BRINP3: variants seen among roughly 807,000 people sequenced by gnomAD.
The protein encoded by BRINP3 is BMP/retinoic acid inducible neural specific 3.
In BRINP3, 19 loss-of-function variants were observed where a neutral mutation model predicts 71.0. The ratio of observed to expected loss-of-function variants is 0.27; its 90% CI spans 0.19 to 0.39. BRINP3 has a LOEUF of 0.39. BRINP3 is among the 10% of genes least tolerant of loss of function. The probability of loss-of-function intolerance (pLI) is 1.00; values close to 1 mark genes in which losing one functional copy is unlikely to be tolerated. For missense variants in BRINP3, 959 were observed against 940.8 expected (o/e 1.02, Z -0.25); for synonymous variants, 380 against 337.7 (o/e 1.13, Z -1.37).
Position 190,390,454 on chromosome 1 carries a change from C to T in BRINP3, c.236+64201G>A, listed in dbSNP as rs367815143. On this transcript the variant is annotated intron_variant, in intron 2 of 7. Coordinates refer to ENST00000367462, the MANE Select transcript of BRINP3 (RefSeq NM_199051.3). ...TGGAGAAGTCAACACAATGAGAGGT[C>T]GGGGTATTAGAAGAATCTTCCCTAT... Among the ~76,000 whole-genome samples the T allele has an allele frequency of 6.3e-4, 96 of 151,730 alleles. 1 individual carries two copies. The highest frequency in any genetic ancestry group is 2.1e-3 in the African/African-American group (85 of 41,436).
chr1:190,155,892 GTCAA>G, intron 7 of BRINP3, among the ~76,000 whole-genome samples: 1 of 152,190 alleles, frequency 6.6e-6, no homozygotes, highest in Non-Finnish European at 1.5e-5. Flanking sequence ...AGAACTGTGA[GTCAA>G]TTAAGCCTCT....
chr1:190,356,045 G>T (rs1023679867), intron 2 of BRINP3, among the ~76,000 whole-genome samples: 1 of 151,880 alleles, frequency 6.6e-6, no homozygotes, highest in Non-Finnish European at 1.5e-5. Context: ...TGTTCAATAG[G>T]TGTCAGTCAC....
intron 2 of BRINP3, among the ~76,000 whole-genome samples, chr1:190,430,123 G>A (rs1015361218): frequency 5.9e-5 from 9 of 152,080 alleles, no homozygotes; most frequent in Admixed American, 5.9e-4. Context: ...GAAGACGTCA[G>A]CATTAATCAC....
chr1:190,445,689 T>TA (rs1316980733), intron 2 of BRINP3, among the ~76,000 whole-genome samples: 4 of 151,826 alleles, frequency 2.6e-5, no homozygotes, highest in East Asian at 1.9e-4. Flanking sequence ...TGGTGCCCAT[T>TA]AAAAAAATAC....
At chr1:190,239,307 T>C (rs1054745783) in intron 4 of BRINP3, among the ~76,000 whole-genome samples, 1 of 152,172 alleles carries the variant, frequency 6.6e-6, no homozygotes, top group Non-Finnish European at 1.5e-5. Flanking sequence ...TAAATTTTTA[T>C]GTATTCTGTC....
chr1:190,208,994 T>C (rs1655755359), intron 6 of BRINP3, among the ~76,000 whole-genome samples: 1 of 152,112 alleles, frequency 6.6e-6, no homozygotes, highest in Non-Finnish European at 1.5e-5. Context: ...ACTTGATCCA[T>C]TATAAGTGGT....
At chr1:190,364,067 A>G (rs911249329) in intron 2 of BRINP3, among the ~76,000 whole-genome samples, 97 of 152,312 alleles carry the variant, frequency 6.4e-4, no homozygotes, top group Admixed American at 1.6e-3. Flanking sequence ...TCTTAGAAAA[A>G]AAAAAGTAGT....
In BRINP3 at chr1:190,433,742, C is replaced by A. The variant is rs1350326413; in HGVS notation, c.236+20913G>T. Among the ~76,000 whole-genome samples, 3 of 152,124 alleles carry A rather than the reference C, an allele frequency of 2.0e-5. No homozygotes were observed. The East Asian group carries it at 5.8e-4, about 29-fold the overall frequency. ...CTGCAATTTTCTGAAAAGTAGAAAT[C>A]AATCTTGTAATTGCTCCTTCATATA... On this transcript the variant is annotated intron_variant, in intron 2 of 7. Transcript: ENST00000367462.
chr1:190,283,472 C>T (rs1663192323), intron 2 of BRINP3, among the ~76,000 whole-genome samples: 1 of 151,620 alleles, frequency 6.6e-6, no homozygotes, highest in African/African-American at 2.4e-5. Context: ...AAATATAGGG[C>T]TTTTATAGGC....
At chr1:190,193,711 A>T (rs1654242950) in intron 6 of BRINP3, among the ~76,000 whole-genome samples, 1 of 152,122 alleles carries the variant, frequency 6.6e-6, no homozygotes, top group African/African-American at 2.4e-5. Context: ...CCTTTACTTT[A>T]GAAAACTTTC....
At chr1:190,255,892 C>G (rs1474587580) in intron 4 of BRINP3, among the ~76,000 whole-genome samples, 1 of 152,108 alleles carries the variant, frequency 6.6e-6, no homozygotes, top group Non-Finnish European at 1.5e-5. Flanking sequence ...CCTGCTTTCT[C>G]TTGTGAGTAT....
chr1:190,320,439 G>A (rs567232970), intron 2 of BRINP3, among the ~76,000 whole-genome samples: 47 of 152,008 alleles, frequency 3.1e-4, no homozygotes, highest in African/African-American at 1.1e-3. Context: ...GATCCCACTG[G>A]GCACTTTTAT....
intron 2 of BRINP3, among the ~76,000 whole-genome samples, chr1:190,299,778 TGTAAA>T (rs1355555717): frequency 3.9e-5 from 6 of 152,096 alleles, no homozygotes; most frequent in Admixed American, 1.3e-4. Flanking sequence ...TTTGCTTGTC[TGTAAA>T]GTATTTTATT....
At chr1:190,168,612 C>A (rs1291276494) in intron 6 of BRINP3, among the ~76,000 whole-genome samples, 1 of 152,066 alleles carries the variant, frequency 6.6e-6, no homozygotes, top group Non-Finnish European at 1.5e-5. Context: ...TCAATTAAGA[C>A]AAAAATACAA....
At chr1:190,311,766 TAGAG>T (rs1384078575) in intron 2 of BRINP3, among the ~76,000 whole-genome samples, 8 of 150,392 alleles carry the variant, frequency 5.3e-5, no homozygotes, top group Non-Finnish European at 1.2e-4. Context: ...ACACTAAAGA[TAGAG>T]AAGAAGAAAG....
chr1:190,303,131 G>A (rs749894270), intron 2 of BRINP3, among the ~76,000 whole-genome samples: 6 of 151,622 alleles, frequency 4.0e-5, no homozygotes, highest in Middle Eastern at 6.9e-3. Flanking sequence ...TCTGAATATA[G>A]AGCAGATGGA....
chr1:190,318,767 T>C (rs1262014843), intron 2 of BRINP3, among the ~76,000 whole-genome samples: 1 of 152,116 alleles, frequency 6.6e-6, no homozygotes. Context: ...TGTAGATCTA[T>C]ATAATTCATT....
intron 2 of BRINP3, among the ~76,000 whole-genome samples, chr1:190,383,926 C>CA (rs1315506730): frequency 6.6e-6 from 1 of 151,710 alleles, no homozygotes; most frequent in Non-Finnish European, 1.5e-5. Context: ...TGAATTAACC[C>CA]ATTCAAACAC....
intron 2 of BRINP3, among the ~76,000 whole-genome samples, chr1:190,371,761 G>A (rs968517103): frequency 3.9e-5 from 6 of 152,132 alleles, no homozygotes; most frequent in Non-Finnish European, 7.3e-5. Context: ...ATGTTGAGTA[G>A]TATGGATATT....
Sources: gnomAD v4.1 joint callset for allele counts (sites outside exome capture counted in the v4.1 genomes callset) on GRCh38, gnomAD v4.1.1 for gene constraint, MANE v1.5 for transcripts, NCBI Gene and HGNC (gene_info 2026-07-23, HGNC 2026-07-21) for gene names.